TCF4: variants seen among roughly 807,000 people sequenced by gnomAD.
The protein encoded by TCF4 is SL3-3 enhancer factor 2.
TCF4 carries 3 observed loss-of-function variants against 82.1 expected under a neutral mutation model. The ratio of observed to expected loss-of-function variants is 0.04; its 90% confidence interval spans 0.02 to 0.09. The LOEUF (loss-of-function observed/expected upper bound fraction) is 0.09, where lower values mean the gene tolerates loss of function less well. TCF4 is among the 10% of genes least tolerant of loss of function. The pLI, the probability that TCF4 is intolerant of heterozygous loss-of-function variation, is 1.00. For synonymous variants in TCF4, 276 were observed against 309.6 expected, an observed-to-expected ratio of 0.89 and a Z score of 1.14; for missense variants, 518 against 852.7, an observed-to-expected ratio of 0.61 and a Z score of 4.89.
chr18:55,288,259 AAAG>A (rs1429999656), intron 8 of TCF4, among the ~76,000 whole-genome samples: 1 of 152,180 alleles, frequency 6.6e-6, no homozygotes, highest in African/African-American at 2.4e-5. Flanking sequence ...GAAAAACAGA[AAAG>A]AAGTCATTTT....
At chr18:55,345,668 T>C (rs1459522555) in intron 8 of TCF4, among the ~76,000 whole-genome samples, 1 of 152,192 alleles carries the variant, frequency 6.6e-6, no homozygotes, top group Non-Finnish European at 1.5e-5. Context: ...CCTGCAGGGA[T>C]GAACCTTGAA....
intron 6 of TCF4, among the ~76,000 whole-genome samples, chr18:55,388,372 A>G (rs934727173): frequency 1.3e-5 from 2 of 152,218 alleles, no homozygotes; most frequent in African/African-American, 2.4e-5. Flanking sequence ...ACCAGAGAGT[A>G]GAGGTACCAC....
intron 8 of TCF4, among the ~76,000 whole-genome samples, chr18:55,317,678 A>C (rs990985282): frequency 6.6e-6 from 1 of 152,124 alleles, no homozygotes; most frequent in African/African-American, 2.4e-5. Flanking sequence ...GCTTTAAAAA[A>C]TTTAGGTTGC....
chr18:55,230,143 T>A (rs1426142726), intron 17 of TCF4: 3 of 85,428 alleles, frequency 3.5e-5, no homozygotes, highest in Non-Finnish European at 7.3e-5. Context: ...AGACTCTGTC[T>A]CTTACAAAAA....
chr18:55,588,801 C>G (rs137891796), upstream of TCF4, among the ~76,000 whole-genome samples: 10 of 152,032 alleles, frequency 6.6e-5, no homozygotes, highest in Non-Finnish European at 1.5e-4. Flanking sequence ...TTTCTTTCCC[C>G]TCCCTTTTAA....
chr18:55,330,021 T>G (rs1184008712), intron 8 of TCF4, among the ~76,000 whole-genome samples: 1 of 152,172 alleles, frequency 6.6e-6, no homozygotes, highest in African/African-American at 2.4e-5. Context: ...CCACATTCTT[T>G]ATGGGGTCTG....
chr18:55,501,137 C>A (rs2096695126), intron 3 of TCF4, among the ~76,000 whole-genome samples: 1 of 151,552 alleles, frequency 6.6e-6, no homozygotes, highest in East Asian at 1.9e-4. Flanking sequence ...ATGTAAATTC[C>A]AAAACAACAT....
chr18:55,499,646 A>T (rs2096675257), intron 3 of TCF4, among the ~76,000 whole-genome samples: 1 of 152,340 alleles, frequency 6.6e-6, no homozygotes, highest in East Asian at 1.9e-4. Flanking sequence ...AAGCTCCCCA[A>T]GTGATTCTAA....
At chr18:55,370,819 C>T (rs921552221) in intron 6 of TCF4, among the ~76,000 whole-genome samples, 7 of 151,948 alleles carry the variant, frequency 4.6e-5, no homozygotes, top group Non-Finnish European at 1.0e-4. Context: ...TAACTAAGAG[C>T]CAGTTAGTAA....
chr18:55,556,412 A>G (rs997717291), intron 3 of TCF4, among the ~76,000 whole-genome samples: 1 of 152,252 alleles, frequency 6.6e-6, no homozygotes, highest in Non-Finnish European at 1.5e-5. Context: ...GTAAATAAAT[A>G]AGATATTAAA....
intron 5 of TCF4, among the ~76,000 whole-genome samples, chr18:55,456,136 G>A (rs896238352): frequency 1.3e-5 from 2 of 152,184 alleles, no homozygotes; most frequent in East Asian, 1.9e-4. Context: ...CGGTGGAACC[G>A]AATTATAATG....
intron 8 of TCF4, among the ~76,000 whole-genome samples, chr18:55,328,180 T>C (rs1323541270): frequency 6.6e-6 from 1 of 152,160 alleles, no homozygotes; most frequent in African/African-American, 2.4e-5. Flanking sequence ...TCTTCCTTCC[T>C]CAATTTTTTG....
intron 15 of TCF4, among the ~76,000 whole-genome samples, chr18:55,237,184 T>G (rs537582728): frequency 6.6e-6 from 1 of 152,148 alleles, no homozygotes; most frequent in Non-Finnish European, 1.5e-5. Flanking sequence ...ATAGAAATAA[T>G]AGCCTGTGTA....
At chr18:55,356,431 T>C (rs895106021) in intron 6 of TCF4, among the ~76,000 whole-genome samples, 1 of 152,196 alleles carries the variant, frequency 6.6e-6, no homozygotes, top group Non-Finnish European at 1.5e-5. Flanking sequence ...TAATTAAATT[T>C]AAGTGGCCAT....
At chr18:55,284,489 C>T (rs1476617657) in intron 8 of TCF4, 1 of 151,998 alleles carries the variant, frequency 6.6e-6, no homozygotes, top group Admixed American at 6.6e-5. Context: ...GTTAAGTAAC[C>T]TGCTTCCTGA....
chr18:55,493,195 A>T (rs1480720353), intron 3 of TCF4, among the ~76,000 whole-genome samples: 1 of 152,192 alleles, frequency 6.6e-6, no homozygotes, highest in Non-Finnish European at 1.5e-5. Context: ...AGTCTATTTT[A>T]AAAAACAAGA....
chr18:55,354,157 A>C (rs1040402165), intron 6 of TCF4, among the ~76,000 whole-genome samples: 2 of 152,112 alleles, frequency 1.3e-5, no homozygotes, highest in African/African-American at 4.8e-5. Flanking sequence ...TTTTTTTCCC[A>C]AAAGACCTAA....
chr18:55,496,957 A>AATTT (rs1568229543), intron 3 of TCF4, among the ~76,000 whole-genome samples: 2 of 152,070 alleles, frequency 1.3e-5, no homozygotes, highest in South Asian at 4.2e-4. Context: ...ACCATTTCCA[A>AATTT]GTTTAAATTT....
At chr18:55,425,012 C>T (rs118117804) in intron 5 of TCF4, among the ~76,000 whole-genome samples, 3,304 of 152,256 alleles carry the variant, frequency 0.022, 75 homozygotes, top group Non-Finnish European at 0.027. Context: ...CCAAAATGCT[C>T]ATGACATTTT....
Sources: allele counts gnomAD v4.1 joint callset (sites outside exome capture counted in the v4.1 genomes callset), GRCh38; gene constraint gnomAD v4.1.1; transcripts MANE v1.5; gene names NCBI Gene and HGNC (gene_info 2026-07-23, HGNC 2026-07-21).